PLA2G4B: variants seen among roughly 807,000 people sequenced by gnomAD.
PLA2G4B encodes the protein cytosolic phospholipase A2 beta.
PLA2G4B carries 122 observed loss-of-function variants against 95.8 expected under a neutral mutation model. The ratio of observed to expected loss-of-function variants is 1.27; its 90% CI spans 1.10 to 1.48. The LOEUF is 1.48. PLA2G4B is among the 40% of genes most tolerant of loss of function. The pLI, the probability that PLA2G4B is intolerant of heterozygous loss-of-function variation, is 0.00. For synonymous variants in PLA2G4B, 518 were observed against 421.5 expected (o/e 1.23, Z -2.80); for missense variants, 1,158 against 996.2 (o/e 1.16, Z -2.19).
rs2065567283 is a variant in PLA2G4B at position 41,846,959 on chromosome 15, C to A, written c.1947+124C>A. On this transcript the variant is annotated intron_variant, in intron 18 of 19. Transcript: ENST00000458483. ...GGAGCTGTGATTGGGACACTGGAAT[C>A]TTAATTTGCCACCAGAGGAGCTCAT... 2.3e-6 allele frequency: 3 copies of A among 1,298,908 alleles called. No homozygotes were observed. The African/African-American group carries it at 4.4e-5, about 19-fold the overall frequency. The allele number at this position is 1,298,908 out of a possible 1,614,324, so 80.5% of individuals were successfully genotyped here.
intron 14 of PLA2G4B, 98 bp downstream of exon 14, chr15:41,845,418 C>A: frequency 1.3e-6 from 2 of 1,501,948 alleles, no homozygotes; most frequent in Non-Finnish European, 1.8e-6. Flanking sequence ...ACCCACCTCT[C>A]CTGAGCCAGG....
chr15:41,847,417 C>T lies in PLA2G4B; in HGVS notation c.2028C>T (p.Leu676=), dbSNP rs1248467840. The T allele has an allele frequency of 9.3e-6, 15 of 1,613,304 alleles. No individual in the cohort carries two copies. Among genetic ancestry groups the T allele is most frequent in the African/African-American group, 2.7e-5 (2 of 74,914 alleles). The change falls in exon 19 of 20, where the codon CTC becomes CTT. Residue 676 remains leucine (L), a synonymous_variant. Coordinates refer to ENST00000458483, the MANE Select transcript of PLA2G4B (RefSeq NM_001114633.2). ...TCTCGCCCAGCCCCGAAGAGCAGCT[C>T]CAGCCTCGGGAGTGCCACACCTTCT... The part of the protein sequence containing the change: ...PPISPSPEEQ[L]QPRECHTFSD...
At chr15:41,845,095 A>G (rs371060033) in intron 13 of PLA2G4B, 25 bp downstream of exon 13, 14 of 1,596,848 alleles carry the variant, frequency 8.8e-6, no homozygotes, top group African/African-American at 1.3e-5. Flanking sequence ...GCCTGGGGGC[A>G]GAGCCAGGGC....
rs1453469743 is a variant in PLA2G4B, at chr15:41,844,839, T to TTTGGC, written c.1017-7_1017-6insGGCTT. 1.7e-6 allele frequency: 2 copies of TTTGGC among 1,146,714 alleles called. No individual in the cohort carries two copies. Among genetic ancestry groups the TTTGGC allele is most frequent in the Non-Finnish European group, 1.2e-6 (1 of 860,690 alleles). The allele number at this position is 1,146,714 out of a possible 1,614,324, so 71.0% of individuals were successfully genotyped here. A position where few individuals can be genotyped will look rare whatever the true frequency, so the allele number is the denominator to read the frequency against. ...ACAGCCCTCTGGCTTTGGCTTTGGC[T>TTTGGC]TTTCCCAGGGCCTTGGCCAACCTTT... is the stretch of plus-strand genomic sequence containing the variant. On this transcript the variant is annotated splice_polypyrimidine_tract_variant and intron_variant, in intron 12 of 19. Transcript: ENST00000458483.
At position 41,844,987 on chromosome 15, in the gene PLA2G4B, C is replaced by G. The variant is rs1820013924; in HGVS notation, c.1156C>G (p.Leu386Val). The G allele has an allele frequency of 6.2e-7, 1 of 1,609,284 alleles. No individual in the cohort carries two copies. Among genetic ancestry groups the G allele is most frequent in the Non-Finnish European group, 8.5e-7 (1 of 1,178,132 alleles). The change falls in exon 13 of 20, where the codon CTG becomes GTG. Residue 386 changes from leucine (L) to valine (V), a missense_variant. Transcript: ENST00000458483. ...CCAGCTGCAGCGGTACCGGCAGGAG[C>G]TGGCCGAGCGTGCCCGCTTGGGCTA... ...PSQLQRYRQE[L>V]AERARLGYPS... is the part of the protein sequence containing the mutation.
At position 41,841,264 on chromosome 15, in the gene PLA2G4B, C is replaced by T. The variant is rs1340896391; in HGVS notation, c.426C>T (p.Gly142=). The T allele has an allele frequency of 3.1e-6, 5 of 1,612,870 alleles. No individual in the cohort carries two copies. Among genetic ancestry groups the T allele is most frequent in the Non-Finnish European group, 4.2e-6 (5 of 1,179,988 alleles). The change falls in exon 6 of 20, where the codon GGC becomes GGT. Residue 142 remains glycine, a synonymous_variant. Coordinates refer to ENST00000458483, the MANE Select transcript of PLA2G4B (RefSeq NM_001114633.2). ...GTGGCGAGTGGCTCGTCAGCAATGG[C>T]GTTCTGGTGGTGAGTGTGCCAGTGC... ...ADRGEWLVSN[G]VLVARELSCL...
At position 41,844,709 on chromosome 15, in the gene PLA2G4B, A is replaced by G. The variant is rs1333752322; in HGVS notation, c.1016+102A>G. 5.0e-6 allele frequency: 8 copies of G among 1,591,136 alleles called. No individual in the cohort carries two copies. In the Admixed American group the frequency reaches 7.0e-5, roughly 14 times the overall value. ...AAAACTAGAAGGGCTGGGAGAATGAATGTGCCAGGGAGAAACGTGCTCAAG... is the reference window on the plus strand; with the variant it reads ...AAAACTAGAAGGGCTGGGAGAATGAGTGTGCCAGGGAGAAACGTGCTCAAG... On this transcript the variant is annotated intron_variant, in intron 12 of 19. Coordinates refer to ENST00000458483, the MANE Select transcript of PLA2G4B (RefSeq NM_001114633.2).
Position 41,844,984 on chromosome 15 carries a change from G to A in PLA2G4B, c.1153G>A (p.Glu385Lys), listed in dbSNP as rs1203899128. 6.2e-7 allele frequency: 1 copy of A among 1,609,172 alleles called. No individual in the cohort carries two copies. Among genetic ancestry groups the A allele is most frequent in the Non-Finnish European group, 8.5e-7 (1 of 1,178,060 alleles). ...CAGCCAGCTGCAGCGGTACCGGCAG[G>A]AGCTGGCCGAGCGTGCCCGCTTGGG... Reference protein sequence around the residue: ...APSQLQRYRQELAERARLGYP... With the variant: ...APSQLQRYRQKLAERARLGYP... The change falls in exon 13 of 20, where the codon GAG (glutamate) becomes AAG (lysine). Residue 385 changes from glutamate to lysine, a missense_variant. Transcript: ENST00000458483.
rs768476885 is a variant in PLA2G4B at position 41,838,926 on chromosome 15, A to G, written c.9+4A>G. 1.3e-6 allele frequency: 2 copies of G among 1,592,118 alleles called. No individual in the cohort carries two copies. Among genetic ancestry groups the G allele is most frequent in the Non-Finnish European group, 1.7e-6 (2 of 1,168,390 alleles). On this transcript the variant is annotated splice_donor_region_variant and intron_variant, in intron 1 of 19. Coordinates refer to ENST00000458483, the MANE Select transcript of PLA2G4B (RefSeq NM_001114633.2). ...AGGACTCAGTCTCATGGCTGTGGTA[A>G]GGCCTGGCAGGGCCCTGGGTCCCTA...
rs763560069 is a variant in PLA2G4B, at chr15:41,840,760, C to T, written c.220-14C>T. 8 of 1,612,854 alleles carry T rather than the reference C, an allele frequency of 5.0e-6. No individual in the cohort carries two copies. The highest frequency in any genetic ancestry group is 6.8e-6 in the Non-Finnish European group (8 of 1,179,240). ...CCCTCCCTCCTGCAGCCCTGTCACT[C>T]TTTTCCCCTCCAGAATGTCATGGAA... On this transcript the variant is annotated splice_polypyrimidine_tract_variant and intron_variant, in intron 3 of 19. Coordinates refer to ENST00000458483, the MANE Select transcript of PLA2G4B (RefSeq NM_001114633.2).
rs559805314 is a variant in PLA2G4B at position 41,840,847 on chromosome 15, A to T, written c.293A>T (p.Asp98Val). The change falls in exon 4 of 20, where the codon GAT becomes GTT. Residue 98 changes from aspartate (D) to valine (V), a missense_variant. Coordinates refer to ENST00000458483, the MANE Select transcript of PLA2G4B (RefSeq NM_001114633.2). ...GACCCTGTGTTGTCAGTACTGTTTGATGCGGGGACTCTGCGGGCTGGGGAG... is the reference window on the plus strand; with the variant it reads ...GACCCTGTGTTGTCAGTACTGTTTGTTGCGGGGACTCTGCGGGCTGGGGAG... ...GDDPVLSVLF[D>V]AGTLRAGEFR... 3.2e-5 allele frequency: 52 copies of T among 1,613,964 alleles called. No homozygotes were observed. The South Asian group carries it at 5.4e-4, about 17-fold the overall frequency.
rs1256570956 is a variant in PLA2G4B at position 41,842,263 on chromosome 15, T to TC, written c.696dup (p.Thr233HisfsTer61). 1 of 1,613,972 alleles carries TC rather than the reference T, an allele frequency of 6.2e-7. No homozygotes were observed. On this transcript the variant is annotated frameshift_variant, in exon 9 of 20. Coordinates refer to ENST00000458483, the MANE Select transcript of PLA2G4B (RefSeq NM_001114633.2). LOFTEE classifies it high-confidence loss of function. Reference sequence around the variant, plus strand: ...TCTGGTCAAGTGGTGAGGCTTGTCTTCCCCACGTCCCAGGTACTGGCCTCC... The same window carrying TC: ...TCTGGTCAAGTGGTGAGGCTTGTCTTCCCCCACGTCCCAGGTACTGGCCTCC...
chr15:41,844,054 G>A (rs1326655956), intron 11 of PLA2G4B, among the ~76,000 whole-genome samples: 1 of 152,236 alleles, frequency 6.6e-6, no homozygotes, highest in Non-Finnish European at 1.5e-5. Flanking sequence ...TTGGTTCTCA[G>A]CCTAGCCTGT....
rs370885540 is a variant in PLA2G4B at position 41,847,355 on chromosome 15, C to T, written c.1966C>T (p.Arg656Trp). 33 of 1,605,874 alleles carry T rather than the reference C, an allele frequency of 2.1e-5. No individual in the cohort carries two copies. The highest frequency in any genetic ancestry group is 5.0e-5 in the Admixed American group (3 of 59,716). Reference sequence around the variant, plus strand: ...CCTGCAGCAGTTGCAGCTCCTGGGCCGGTTCTGCCAGGAGCAGGGGATCCC... The same window carrying T: ...CCTGCAGCAGTTGCAGCTCCTGGGCTGGTTCTGCCAGGAGCAGGGGATCCC... ...GAFQQLQLLG[R>W]FCQEQGIPFP... Residue 656 changes from arginine (R) to tryptophan (W), a missense_variant, in exon 19 of 20, where the codon CGG (arginine) becomes TGG (tryptophan). Arg to Trp is a moderately radical substitution (Grantham distance 101). Transcript: ENST00000458483.
intron 1 of PLA2G4B, 50 bp downstream of exon 1, chr15:41,838,972 C>G: frequency 6.8e-7 from 1 of 1,474,026 alleles, no homozygotes; most frequent in Non-Finnish European, 9.3e-7. Flanking sequence ...TGGTCTCTAC[C>G]TGGGGCCTAG....
In PLA2G4B at chr15:41,842,416, C is replaced by G. The variant is rs2065449615; in HGVS notation, c.706-138C>G. ...GGCCAGGCTCTTTGGGGAGTGTCCT[C>G]TGAGCATCCCTGCTTCAGGCCTGGC... On this transcript the variant is annotated intron_variant, in intron 9 of 19. Coordinates refer to ENST00000458483, the MANE Select transcript of PLA2G4B (RefSeq NM_001114633.2). The G allele has an allele frequency of 9.7e-6, 15 of 1,546,890 alleles. 1 individual carries two copies. The highest frequency in any genetic ancestry group is 2.2e-4 in the Middle Eastern group (1 of 4,632).
chr15:41,846,469 C>T (rs532430449), intron 17 of PLA2G4B, 87 bp downstream of exon 17: 1 of 1,534,758 alleles, frequency 6.5e-7, no homozygotes, highest in South Asian at 1.3e-5. Flanking sequence ...CTCCCATTCT[C>T]CTGCTTTGAG....
At position 41,846,632 on chromosome 15, in the gene PLA2G4B, G is replaced by A. The variant is rs764168773; in HGVS notation, c.1781-37G>A. 3 of 1,572,262 alleles carry A rather than the reference G, an allele frequency of 1.9e-6. No homozygotes were observed. In the Admixed American group the frequency reaches 5.2e-5, roughly 27 times the overall value. Reference sequence around the variant, plus strand: ...TTCCAGCAGGAATCTGGTACCCTTGGTATCTGTGACAATTGCTGCTCTCCC... The same window carrying A: ...TTCCAGCAGGAATCTGGTACCCTTGATATCTGTGACAATTGCTGCTCTCCC... On this transcript the variant is annotated intron_variant, in intron 17 of 19. Transcript: ENST00000458483.
chr15:41,840,815 C>A lies in PLA2G4B; in HGVS notation c.261C>A (p.Thr87=), dbSNP rs149982590. The A allele has an allele frequency of 7.4e-6, 12 of 1,613,890 alleles. No homozygotes were observed. The highest frequency in any genetic ancestry group is 5.1e-6 in the Non-Finnish European group (6 of 1,179,980). The stretch of plus-strand genomic sequence containing the variant: ...AAGTCTTTGACCAGGACCTGGTGAC[C>A]GGAGATGACCCTGTGTTGTCAGTAC... ...ELKVFDQDLV[T]GDDPVLSVLF... The change falls in exon 4 of 20, where the codon ACC becomes ACA. Residue 87 remains threonine (T), a synonymous_variant. Coordinates refer to ENST00000458483, the MANE Select transcript of PLA2G4B (RefSeq NM_001114633.2).
Sources: gnomAD v4.1 joint callset for allele counts (sites outside exome capture counted in the v4.1 genomes callset) on GRCh38, gnomAD v4.1.1 for gene constraint, MANE v1.5 for transcripts, NCBI Gene and HGNC (gene_info 2026-07-23, HGNC 2026-07-21) for gene names.